The following EYS variants were observed in gnomAD, a reference collection of about 807,000 sequenced individuals.
EYS encodes EGF-like photoreceptor maintenance factor.
Under a neutral mutation model 282.1 loss-of-function variants are expected in EYS, and 250 were observed. The observed-to-expected ratio is 0.89, with a 90% CI of 0.80 to 0.98. The LOEUF (loss-of-function observed/expected upper bound fraction) is 0.98. Ranked by LOEUF, EYS falls within the 50% of genes least tolerant of loss-of-function variation. EYS has a pLI of 0.00. For missense variants in EYS, 4,016 were observed against 3,709.0 expected (o/e 1.08, Z -2.15); for synonymous variants, 1,355 against 1,282.9 (o/e 1.06, Z -1.20).
intron 38 of EYS, 47 bp downstream of exon 38, chr6:63,789,011 T>C (rs1054893575): frequency 2.6e-6 from 4 of 1,531,700 alleles, no homozygotes; most frequent in Non-Finnish European, 1.8e-6. Context: ...TCTGACAATA[T>C]ACTAGTGCTC....
intron 2 of EYS, among the ~76,000 whole-genome samples, chr6:65,605,021 T>G (rs1277524678): frequency 7.9e-5 from 12 of 151,150 alleles, no homozygotes; most frequent in Non-Finnish European, 1.3e-4. Context: ...TTTTTTTTTT[T>G]TTTGTAGAGA....
intron 2 of EYS, among the ~76,000 whole-genome samples, chr6:65,529,553 C>A (rs1029143778): frequency 1.3e-5 from 2 of 152,122 alleles, no homozygotes; most frequent in Non-Finnish European, 2.9e-5. Context: ...GCAATAATTT[C>A]TTATATACGT....
rs138166535 is a variant in EYS at position 64,570,122 on chromosome 6, G to C, written c.5644+20101C>G. Among the ~76,000 whole-genome samples, 33 of 152,350 alleles carry C rather than the reference G, an allele frequency of 2.2e-4. 1 individual carries two copies. The highest frequency in any genetic ancestry group is 3.4e-3 in the Middle Eastern group (1 of 294). The stretch of plus-strand genomic sequence containing the variant: ...TGAAGAAACCCTACAAGCCAGAAGA[G>C]AGTGGGGGCCAATATTCAACATTCT... On this transcript the variant is annotated intron_variant, in intron 26 of 42. Transcript: ENST00000503581.
chr6:63,727,256 A>G (rs1004972354), intron 41 of EYS, among the ~76,000 whole-genome samples: 4 of 151,884 alleles, frequency 2.6e-5, no homozygotes, highest in Non-Finnish European at 5.9e-5. Flanking sequence ...TGAAATCTAT[A>G]TTCCTTCTTC....
chr6:64,559,146 TA>T (rs1765322994), intron 26 of EYS, among the ~76,000 whole-genome samples: 1 of 152,284 alleles, frequency 6.6e-6, no homozygotes, highest in African/African-American at 2.4e-5. Flanking sequence ...ACCTTTTCTC[TA>T]AAAAATAAAT....
chr6:63,838,524 GT>G (rs1488354224), intron 36 of EYS, among the ~76,000 whole-genome samples: 5 of 152,102 alleles, frequency 3.3e-5, no homozygotes, highest in African/African-American at 1.2e-4. Flanking sequence ...CTGCGGCCCT[GT>G]ATATGTGGTG....
intron 2 of EYS, among the ~76,000 whole-genome samples, chr6:65,564,823 C>T (rs1769210689): frequency 6.6e-6 from 1 of 152,032 alleles, no homozygotes; most frequent in Non-Finnish European, 1.5e-5. Flanking sequence ...AAGAAACGAT[C>T]ATCACAGTGA....
At chr6:65,675,265 T>A (rs981093734) in intron 1 of EYS, among the ~76,000 whole-genome samples, 1 of 151,788 alleles carries the variant, frequency 6.6e-6, no homozygotes, top group Non-Finnish European at 1.5e-5. Flanking sequence ...TATCAATAAA[T>A]ATTTTAAATA....
intron 15 of EYS, among the ~76,000 whole-genome samples, chr6:64,915,013 C>T (rs1425889518): frequency 6.6e-6 from 1 of 152,012 alleles, no homozygotes; most frequent in Non-Finnish European, 1.5e-5. Context: ...ATTTTGGTGA[C>T]TTTCCATCCT....
chr6:65,609,256 T>A (rs766709319), intron 2 of EYS, among the ~76,000 whole-genome samples: 1 of 150,754 alleles, frequency 6.6e-6, no homozygotes, highest in Non-Finnish European at 1.5e-5. Flanking sequence ...TATTATCTTA[T>A]AGGACCACCT....
chr6:63,810,209 C>T (rs1300924366), intron 36 of EYS, among the ~76,000 whole-genome samples: 17 of 147,920 alleles, frequency 1.1e-4, no homozygotes, highest in African/African-American at 3.8e-4. Context: ...TGCAGTGAGC[C>T]GAGATCGCGC....
intron 32 of EYS, among the ~76,000 whole-genome samples, chr6:64,078,345 A>G (rs1771842751): frequency 6.6e-6 from 1 of 152,074 alleles, no homozygotes; most frequent in South Asian, 2.1e-4. Flanking sequence ...GCTCCTACAC[A>G]TAATATACTG....
intron 26 of EYS, among the ~76,000 whole-genome samples, chr6:64,580,558 G>T (rs941922071): frequency 2.0e-5 from 3 of 151,978 alleles, no homozygotes; most frequent in African/African-American, 4.8e-5. Flanking sequence ...AGAAATGAGT[G>T]GTAGAGAATG....
intron 14 of EYS, among the ~76,000 whole-genome samples, chr6:64,993,509 AG>A (rs367868908): frequency 1.4e-5 from 2 of 141,732 alleles, no homozygotes; most frequent in Admixed American, 7.6e-5. Context: ...TCTCACTCAT[AG>A]GTGGGAATTG....
intron 31 of EYS, among the ~76,000 whole-genome samples, chr6:64,180,507 A>C (rs1157915754): frequency 6.6e-6 from 1 of 152,010 alleles, no homozygotes; most frequent in African/African-American, 2.4e-5. Flanking sequence ...GGTTTGGGGT[A>C]TGAATGATCT....
chr6:64,587,353 T>A (rs917234443), intron 26 of EYS, among the ~76,000 whole-genome samples: 2 of 152,146 alleles, frequency 1.3e-5, no homozygotes, highest in African/African-American at 4.8e-5. Context: ...ACTCCCTTCA[T>A]CATTTACACA....
chr6:64,348,561 A>T (rs1274470864), intron 29 of EYS, among the ~76,000 whole-genome samples: 1 of 151,482 alleles, frequency 6.6e-6, no homozygotes, highest in East Asian at 2.0e-4. Flanking sequence ...CCACTAGTTG[A>T]AGATCTAAAT....
chr6:65,389,956 T>A (rs1765951918), intron 7 of EYS, among the ~76,000 whole-genome samples: 1 of 152,036 alleles, frequency 6.6e-6, no homozygotes, highest in African/African-American at 2.4e-5. Flanking sequence ...GACACAGGAA[T>A]GTCAATGTAG....
chr6:65,637,189 G>A (rs923995448), intron 2 of EYS, among the ~76,000 whole-genome samples: 2 of 152,020 alleles, frequency 1.3e-5, no homozygotes, highest in South Asian at 4.1e-4. Flanking sequence ...CAGAAATTTT[G>A]TTTGTTTTAT....
Sources: gnomAD v4.1 joint callset for allele counts (sites outside exome capture counted in the v4.1 genomes callset) on GRCh38, gnomAD v4.1.1 for gene constraint, MANE v1.5 for transcripts, NCBI Gene and HGNC (gene_info 2026-07-23, HGNC 2026-07-21) for gene names.